LOC112694756: variants seen among roughly 807,000 people sequenced by gnomAD.
At chr16:30,061,365 TG>T in the LOC112694756 span, among the ~76,000 whole-genome samples, 1 of 152,176 alleles carries the variant, frequency 6.6e-6, no homozygotes, top group Non-Finnish European at 1.5e-5. Context: ...AGACACCTGC[TG>T]AGCATGAGTC....
At chr16:30,062,840 C>CG in the LOC112694756 span, among the ~76,000 whole-genome samples, 21 of 139,692 alleles carry the variant, frequency 1.5e-4, no homozygotes, top group African/African-American at 5.1e-4. Context: ...AACTCCATCT[C>CG]GGAAAAAAAA....
the LOC112694756 span, chr16:30,067,067 T>G: frequency 6.4e-7 from 1 of 1,573,800 alleles, no homozygotes; most frequent in East Asian, 2.4e-5. Flanking sequence ...CAAAGGGAAG[T>G]TGGGCGTAAG....
At chr16:30,069,956 C>T in the LOC112694756 span, 1 of 1,614,030 alleles carries the variant, frequency 6.2e-7, no homozygotes, top group Non-Finnish European at 8.5e-7. Flanking sequence ...CTGCAGGCCT[C>T]TGCCCTGAAG....
chr16:30,067,959 T>TCC, the LOC112694756 span: 3 of 472,568 alleles, frequency 6.3e-6, no homozygotes, highest in South Asian at 6.7e-5. Context: ...TCAAATAACA[T>TCC]CCCAGTGTAT....
chr16:30,069,071 C>T, the LOC112694756 span: 1 of 1,572,664 alleles, frequency 6.4e-7, no homozygotes, highest in Non-Finnish European at 8.7e-7. Flanking sequence ...CCTACCTCCC[C>T]AAAAGCAAGC....
the LOC112694756 span, among the ~76,000 whole-genome samples, chr16:30,057,208 C>A: frequency 6.6e-6 from 1 of 152,160 alleles, no homozygotes; most frequent in Non-Finnish European, 1.5e-5. Flanking sequence ...CCGGGCTCAG[C>A]CTCTACTTGC....
chr16:30,070,244 C>G, the LOC112694756 span: 1 of 1,604,720 alleles, frequency 6.2e-7, no homozygotes, highest in African/African-American at 1.3e-5. Flanking sequence ...CCCCAACACT[C>G]CAGGCCCTGC....
the LOC112694756 span, among the ~76,000 whole-genome samples, chr16:30,061,818 C>T: frequency 6.6e-6 from 1 of 151,736 alleles, no homozygotes; most frequent in East Asian, 2.0e-4. Context: ...CCTTGGCCTC[C>T]CAAGTTGTTG....
the LOC112694756 span, among the ~76,000 whole-genome samples, chr16:30,057,938 A>G: frequency 6.6e-6 from 1 of 151,992 alleles, no homozygotes; most frequent in Non-Finnish European, 1.5e-5. Flanking sequence ...CTCAAAAAAA[A>G]AAAACCAAAG....
At chr16:30,058,684 G>A in the LOC112694756 span, among the ~76,000 whole-genome samples, 2,060 of 151,642 alleles carry the variant, frequency 0.014, 45 homozygotes, top group African/African-American at 0.044. Context: ...ATGGGGTTTC[G>A]TGTTAGCCAG....
chr16:30,053,961 G>C, the LOC112694756 span, among the ~76,000 whole-genome samples: 18 of 152,128 alleles, frequency 1.2e-4, no homozygotes, highest in Non-Finnish European at 2.4e-4. Flanking sequence ...CCAGGAGCTC[G>C]AGGCTGCAGC....
chr16:30,056,105 GTTTT>G, the LOC112694756 span, among the ~76,000 whole-genome samples: 1 of 119,548 alleles, frequency 8.4e-6, no homozygotes, highest in Admixed American at 8.5e-5. Context: ...CCCAGCCATG[GTTTT>G]TTTTTTTTTT....
the LOC112694756 span, chr16:30,066,752 G>T: frequency 2.1e-6 from 2 of 970,432 alleles, no homozygotes; most frequent in Non-Finnish European, 3.0e-6. Context: ...CTCAGATCTG[G>T]CTCCGGGGTT....
At chr16:30,064,097 T>G in the LOC112694756 span, 1 of 396,972 alleles carries the variant, frequency 2.5e-6, no homozygotes. Context: ...TCCCTTCCCC[T>G]CCACACGTCA....
the LOC112694756 span, among the ~76,000 whole-genome samples, chr16:30,061,548 C>CTTT: frequency 5.2e-3 from 339 of 65,624 alleles, 43 homozygotes; most frequent in Middle Eastern, 0.026. Flanking sequence ...CCTCCATTTC[C>CTTT]TTTTTTTTTT....
chr16:30,055,580 A>T, the LOC112694756 span, among the ~76,000 whole-genome samples: 1 of 152,194 alleles, frequency 6.6e-6, no homozygotes, highest in Non-Finnish European at 1.5e-5. Context: ...GTACATAGCC[A>T]GCACTTCTAA....
At chr16:30,059,716 C>T in the LOC112694756 span, among the ~76,000 whole-genome samples, 313 of 151,536 alleles carry the variant, frequency 2.1e-3, 1 homozygote, top group African/African-American at 7.3e-3. Context: ...GCACCTGCCA[C>T]CATGCCCGGC....
chr16:30,057,792 G>C, the LOC112694756 span, among the ~76,000 whole-genome samples: 1 of 152,074 alleles, frequency 6.6e-6, no homozygotes, highest in Non-Finnish European at 1.5e-5. Context: ...CTGTCTTGGC[G>C]TGGTGGCACT....
chr16:30,057,736 G>C, the LOC112694756 span, among the ~76,000 whole-genome samples: 3 of 152,128 alleles, frequency 2.0e-5, no homozygotes, highest in Non-Finnish European at 2.9e-5. Flanking sequence ...GTTTGGGGCT[G>C]AGGGGCAGAA....
Sources: allele counts gnomAD v4.1 joint callset (sites outside exome capture counted in the v4.1 genomes callset), GRCh38; gene constraint gnomAD v4.1.1; transcripts MANE v1.5.